Variants in SORCS2 observed in about 807,000 individuals in gnomAD.
SORCS2 encodes sortilin related VPS10 domain containing receptor 2, also known as VPS10 domain-containing receptor SorCS2.
In SORCS2, 100 loss-of-function variants were observed where a neutral mutation model predicts 141.6. That is an observed-to-expected ratio of 0.71 (90% CI 0.60 to 0.83). The LOEUF is 0.83. Among genes scored for constraint, SORCS2 ranks in the 40% least tolerant of loss-of-function variants. The pLI is 0.00. For synonymous variants in SORCS2, 789 were observed against 676.9 expected (o/e 1.17, Z -2.57); for missense variants, 1,646 against 1,560.2 (o/e 1.05, Z -0.93).
At chr4:7,688,361 C>T (rs1724003934) in intron 10 of SORCS2, among the ~76,000 whole-genome samples, 1 of 152,204 alleles carries the variant, frequency 6.6e-6, no homozygotes, top group Non-Finnish European at 1.5e-5. Flanking sequence ...CAATTTGGAT[C>T]TCTGAGTACC....
At chr4:7,434,966 C>A (rs185602050) in intron 2 of SORCS2, 1 of 1,439,690 alleles carries the variant, frequency 6.9e-7, no homozygotes, top group Non-Finnish European at 9.2e-7. Flanking sequence ...AGAGGAGGCA[C>A]GGAAGGGCGG....
At chr4:7,319,178 AT>A (rs34043010) in intron 1 of SORCS2, among the ~76,000 whole-genome samples, 6 of 151,334 alleles carry the variant, frequency 4.0e-5, no homozygotes, top group Middle Eastern at 3.4e-3. Context: ...AATGAGGTGT[AT>A]TTTTTTTTAA....
chr4:7,268,187 G>A (rs1436460428), intron 1 of SORCS2, among the ~76,000 whole-genome samples: 3 of 152,214 alleles, frequency 2.0e-5, no homozygotes, highest in Admixed American at 6.5e-5. Context: ...TGAATTCATT[G>A]CATCTGTGAG....
At chr4:7,355,421 A>G (rs1329077405) in intron 1 of SORCS2, among the ~76,000 whole-genome samples, 1 of 152,178 alleles carries the variant, frequency 6.6e-6, no homozygotes, top group Non-Finnish European at 1.5e-5. Context: ...AAATCCCCCC[A>G]AAGTTAATGG....
intron 3 of SORCS2, among the ~76,000 whole-genome samples, chr4:7,616,977 G>A (rs116488759): frequency 0.013 from 1,950 of 152,308 alleles, 51 homozygotes; most frequent in African/African-American, 0.044. Context: ...AGCTTTGCAG[G>A]GCTCCAGCAG....
intron 3 of SORCS2, among the ~76,000 whole-genome samples, chr4:7,574,920 C>A (rs73214678): frequency 6.6e-6 from 1 of 152,240 alleles, no homozygotes; most frequent in South Asian, 2.1e-4. Context: ...GCAGAAAAGT[C>A]GCCATGTCCC....
chr4:7,715,352 G>C, intron 17 of SORCS2, 41 bp downstream of exon 17: 1 of 1,607,874 alleles, frequency 6.2e-7, no homozygotes, highest in Non-Finnish European at 8.5e-7. Context: ...AAATCCGGGG[G>C]CAGAGCTGTG....
intron 1 of SORCS2, among the ~76,000 whole-genome samples, chr4:7,331,108 G>A (rs1285992830): frequency 5.9e-5 from 9 of 152,010 alleles, no homozygotes; most frequent in South Asian, 2.1e-4. Flanking sequence ...TAGGGGCGGC[G>A]AGAGGCTGGG....
At chr4:7,662,539 C>T (rs1722242748) in intron 6 of SORCS2, among the ~76,000 whole-genome samples, 1 of 152,184 alleles carries the variant, frequency 6.6e-6, no homozygotes, top group East Asian at 1.9e-4. Flanking sequence ...AGTAAGGCTG[C>T]TGAATGAATA....
chr4:7,384,528 C>T (rs542436751), intron 1 of SORCS2, among the ~76,000 whole-genome samples: 1 of 152,302 alleles, frequency 6.6e-6, no homozygotes, highest in African/African-American at 2.4e-5. Context: ...GCAAATGTCT[C>T]TGCCTCAACC....
rs201283213 is a variant in SORCS2, at chr4:7,640,403, T to C, written c.813+1911T>C. ...ATGAGTGTGTGGGTGTGTGAGTGTGTGTGGGTGAGTGTGTGTGATCGTGTG... is the reference window on the plus strand; with the variant it reads ...ATGAGTGTGTGGGTGTGTGAGTGTGCGTGGGTGAGTGTGTGTGATCGTGTG... On this transcript the variant is annotated intron_variant, in intron 4 of 26. Coordinates refer to ENST00000507866, the MANE Select transcript of SORCS2 (RefSeq NM_020777.3). Among the ~76,000 whole-genome samples the C allele has an allele frequency of 1.2e-4, 17 of 146,330 alleles. No individual in the cohort carries two copies. In the East Asian group the frequency reaches 3.3e-3, roughly 29 times the overall value.
At chr4:7,730,865 A>G (rs928803768) in intron 23 of SORCS2, among the ~76,000 whole-genome samples, 2 of 152,244 alleles carry the variant, frequency 1.3e-5, no homozygotes, top group Non-Finnish European at 2.9e-5. Flanking sequence ...GTACACTTTA[A>G]AAGAGTAAAT....
chr4:7,289,636 A>C (rs11946827), intron 1 of SORCS2, among the ~76,000 whole-genome samples: 105,480 of 152,094 alleles, frequency 0.69, 37,278 homozygotes, highest in Non-Finnish European at 0.75. Context: ...GCCCAGGGCA[A>C]AGGTAAAATA....
At chr4:7,528,497 C>A (rs1290938215) in intron 2 of SORCS2, among the ~76,000 whole-genome samples, 1 of 152,092 alleles carries the variant, frequency 6.6e-6, no homozygotes. Context: ...GCGATCTCAG[C>A]TCACTGCAAC....
intron 6 of SORCS2, among the ~76,000 whole-genome samples, chr4:7,662,487 C>T (rs1722239827): frequency 6.6e-6 from 1 of 152,214 alleles, no homozygotes; most frequent in Admixed American, 6.5e-5. Context: ...GGGCCTGCAA[C>T]TCCTTGAGTA....
In SORCS2 at chr4:7,542,022, G is replaced by A. The variant is rs116422817; in HGVS notation, c.648+10393G>A. Reference sequence around the variant, plus strand: ...CACTTTTTGGCCCCATTCCCCTTTTGTAACAGGGGTGAGGGCAAGGCAATT... The same window carrying A: ...CACTTTTTGGCCCCATTCCCCTTTTATAACAGGGGTGAGGGCAAGGCAATT... On this transcript the variant is annotated intron_variant, in intron 3 of 26. Coordinates refer to ENST00000507866, the MANE Select transcript of SORCS2 (RefSeq NM_020777.3). Among the ~76,000 whole-genome samples, 399 of 152,258 alleles carry A rather than the reference G, an allele frequency of 2.6e-3. 1 individual carries two copies. Among genetic ancestry groups the A allele is most frequent in the African/African-American group, 9.2e-3 (381 of 41,568 alleles).
intron 12 of SORCS2, 43 bp from the exon 13 acceptor site, chr4:7,703,237 C>A: frequency 6.5e-7 from 1 of 1,527,274 alleles, no homozygotes; most frequent in Non-Finnish European, 8.9e-7. Context: ...CAACCTCCGA[C>A]CTTCTCAGGC....
intron 2 of SORCS2, among the ~76,000 whole-genome samples, chr4:7,414,004 A>C (rs1725498769): frequency 1.3e-5 from 2 of 152,182 alleles, no homozygotes; most frequent in African/African-American, 4.8e-5. Context: ...TAGAGACGAA[A>C]GAGCCATTTA....
At chr4:7,488,219 TC>T (rs1403328258) in intron 2 of SORCS2, among the ~76,000 whole-genome samples, 2 of 152,188 alleles carry the variant, frequency 1.3e-5, no homozygotes, top group Non-Finnish European at 2.9e-5. Flanking sequence ...CCCTGTCAAG[TC>T]CTTCAGTTCT....
Sources: gnomAD v4.1 joint callset for allele counts (sites outside exome capture counted in the v4.1 genomes callset) on GRCh38, gnomAD v4.1.1 for gene constraint, MANE v1.5 for transcripts, NCBI Gene and HGNC (gene_info 2026-07-23, HGNC 2026-07-21) for gene names.